The following MME variants were observed in gnomAD, a reference collection of about 807,000 sequenced individuals.
MME encodes the protein neprilysin.
A neutral mutation model predicts 113.2 loss-of-function variants in MME; 98 were observed. That is an observed-to-expected ratio of 0.87 (90% CI 0.74 to 1.02). The LOEUF (loss-of-function observed/expected upper bound fraction) is 1.02. MME is among the 50% of genes least tolerant of loss of function. The pLI is 0.00. For synonymous variants in MME, 292 were observed against 300.6 expected, an observed-to-expected ratio of 0.97 and a Z score of 0.30; for missense variants, 836 against 896.0, an observed-to-expected ratio of 0.93 and a Z score of 0.86.
chr3:155,180,314 C>A, intron 22 of MME, 46 bp from the exon 23 acceptor site: 1 of 1,345,700 alleles, frequency 7.4e-7, no homozygotes, highest in Non-Finnish European at 1.1e-6. Context: ...GTGGTATGGA[C>A]GTGAGTATCA....
intron 3 of MME, among the ~76,000 whole-genome samples, chr3:155,102,019 T>C (rs950761583): frequency 1.8e-4 from 27 of 152,190 alleles, no homozygotes; most frequent in African/African-American, 6.0e-4. Flanking sequence ...GAGGGGGGAA[T>C]TGGTCTTTTG....
intron 1 of MME, chr3:155,081,409 T>G (rs1715131959): frequency 6.6e-6 from 1 of 152,234 alleles, no homozygotes; most frequent in Admixed American, 6.5e-5. Context: ...AAATAGTAAT[T>G]TATTCTGTTG....
chr3:155,165,918 G>A (rs979713294), intron 17 of MME, among the ~76,000 whole-genome samples: 2 of 152,176 alleles, frequency 1.3e-5, no homozygotes, highest in African/African-American at 4.8e-5. Flanking sequence ...TGAATTTGAT[G>A]TTTGATGCAT....
intron 1 of MME, among the ~76,000 whole-genome samples, chr3:155,058,013 T>G (rs1714000952): frequency 6.6e-6 from 1 of 152,170 alleles, no homozygotes; most frequent in African/African-American, 2.4e-5. Context: ...CCACTATCTT[T>G]TCCCAGAAAG....
At chr3:155,133,514 CTG>C (rs1445698603) in intron 8 of MME, among the ~76,000 whole-genome samples, 1 of 151,228 alleles carries the variant, frequency 6.6e-6, no homozygotes, top group Non-Finnish European at 1.5e-5. Context: ...GATAAAGAGA[CTG>C]GAGCAGAATC....
At chr3:155,095,456 G>C (rs191865877) in intron 3 of MME, among the ~76,000 whole-genome samples, 1 of 152,174 alleles carries the variant, frequency 6.6e-6, no homozygotes, top group Admixed American at 6.5e-5. Flanking sequence ...TGTAATGCAG[G>C]CATGCTATTT....
At position 155,088,212 on chromosome 3, in the gene MME, GCACA is replaced by G. The variant is rs3836439; in HGVS notation, c.196+3135_196+3138del. On this transcript the variant is annotated intron_variant, in intron 3 of 22. Coordinates refer to ENST00000360490, the MANE Select transcript of MME (RefSeq NM_007289.4). ...CTCATAAACACACACACTCGTGCGC[GCACA>G]CACACACACACACACAGTCTTCTGC... Among the ~76,000 whole-genome samples, 18 of 149,756 alleles carry G rather than the reference GCACA, an allele frequency of 1.2e-4. No individual in the cohort carries two copies. The South Asian group carries it at 1.9e-3, about 16-fold the overall frequency.
chr3:155,080,038 C>CA (rs1404853836), upstream of MME: 7 of 152,662 alleles, frequency 4.6e-5, no homozygotes, highest in Admixed American at 3.9e-4. Context: ...GAGAAAGGTC[C>CA]AAAGGGCGCG....
rs377681759 is a variant in MME, at chr3:155,140,304, G to T, written c.957+12G>T. The T allele has an allele frequency of 2.4e-5, 35 of 1,485,294 alleles. No individual in the cohort carries two copies. Among genetic ancestry groups the T allele is most frequent in the Admixed American group, 8.6e-5 (5 of 57,868 alleles). The allele number at this position is 1,485,294 out of a possible 1,614,324, so 92.0% of individuals were successfully genotyped here. On this transcript the variant is annotated intron_variant, in intron 10 of 22. Transcript: ENST00000360490. ...AGATCAATGGGAAGGTAAGTGGTAAGTTTTTTGTGCTCTCTTATTGTGCCG... is the reference window on the plus strand; with the variant it reads ...AGATCAATGGGAAGGTAAGTGGTAATTTTTTTGTGCTCTCTTATTGTGCCG...
intron 8 of MME, 140 bp from the exon 9 acceptor site, chr3:155,137,962 T>C: frequency 1.0e-6 from 1 of 955,568 alleles, no homozygotes; most frequent in African/African-American, 1.7e-5. Flanking sequence ...AGGTCATTTC[T>C]TTAAATACTT....
intron 1 of MME, among the ~76,000 whole-genome samples, chr3:155,047,360 T>TAGCAAC (rs1250169524): frequency 6.6e-6 from 1 of 152,238 alleles, no homozygotes; most frequent in African/African-American, 2.4e-5. Flanking sequence ...CAGGCTATCC[T>TAGCAAC]ATATGGCCTA....
At chr3:155,168,369 A>T in intron 18 of MME, 123 bp from the exon 19 acceptor site, 1 of 890,484 alleles carries the variant, frequency 1.1e-6, no homozygotes, top group Non-Finnish European at 1.8e-6. Flanking sequence ...AGTCTCTCTC[A>T]TCGTCTGCCT....
At position 155,116,838 on chromosome 3, in the gene MME, A is replaced by G. The variant is rs199994557; in HGVS notation, c.536-30A>G. On this transcript the variant is annotated intron_variant, in intron 6 of 22. Transcript: ENST00000360490. ...ATATCATTAGTGAACTAAAGCTTCT[A>G]AAGATATATTTTATCTTTTATTGCT... 6.0e-5 allele frequency: 94 copies of G among 1,561,120 alleles called. No individual in the cohort carries two copies. The South Asian group carries it at 8.9e-4, about 15-fold the overall frequency.
intron 15 of MME, among the ~76,000 whole-genome samples, chr3:155,147,446 C>A (rs1314535777): frequency 6.6e-6 from 1 of 152,064 alleles, no homozygotes; most frequent in Non-Finnish European, 1.5e-5. Flanking sequence ...TCCATATATT[C>A]CATTTTAAGA....
At chr3:155,116,590 G>GTATGTATATA (rs1553759480) in intron 5 of MME, 31 bp downstream of exon 5, 31 of 1,240,788 alleles carry the variant, frequency 2.5e-5, no homozygotes, top group Non-Finnish European at 3.4e-5. Flanking sequence ...TTCATTAGGA[G>GTATGTATATA]TATATATATA....
At chr3:155,142,185 AGCT>A in intron 11 of MME, 49 bp from the exon 12 acceptor site, 1 of 1,613,198 alleles carries the variant, frequency 6.2e-7, no homozygotes, top group South Asian at 1.1e-5. Context: ...ACTCTTCAGA[AGCT>A]TTGCAGCCTC....
At chr3:155,124,888 C>T (rs1349043388) in intron 8 of MME, among the ~76,000 whole-genome samples, 2 of 152,190 alleles carry the variant, frequency 1.3e-5, no homozygotes, top group Non-Finnish European at 2.9e-5. Context: ...CTGTGCCCTG[C>T]CCCCAGAGGT....
chr3:155,100,543 C>A (rs1717119820), intron 3 of MME, among the ~76,000 whole-genome samples: 1 of 152,080 alleles, frequency 6.6e-6, no homozygotes, highest in African/African-American at 2.4e-5. Context: ...ATCAAATATA[C>A]AAATAGTATT....
intron 1 of MME, among the ~76,000 whole-genome samples, chr3:155,052,741 T>C (rs549548904): frequency 6.6e-6 from 1 of 152,324 alleles, no homozygotes; most frequent in Non-Finnish European, 1.5e-5. Flanking sequence ...ATTTTCCCCA[T>C]TGTCTTGGTG....
Sources: allele counts gnomAD v4.1 joint callset (sites outside exome capture counted in the v4.1 genomes callset), GRCh38; gene constraint gnomAD v4.1.1; transcripts MANE v1.5; gene names NCBI Gene and HGNC (gene_info 2026-07-23, HGNC 2026-07-21).